The following IMMP2L variants were observed in gnomAD, a reference collection of about 807,000 sequenced individuals.
IMMP2L encodes the protein mitochondrial inner membrane protease subunit 2.
IMMP2L carries 18 observed loss-of-function variants against 19.3 expected under a neutral mutation model. The observed-to-expected ratio is 0.93, with a 90% CI of 0.64 to 1.38. IMMP2L has a LOEUF of 1.38. Ranked by LOEUF, IMMP2L falls within the 40% of genes most tolerant of loss-of-function variation. The pLI, the probability that IMMP2L is intolerant of heterozygous loss-of-function variation, is 0.00. For missense variants in IMMP2L, 233 were observed against 218.2 expected, an observed-to-expected ratio of 1.07 and a Z score of -0.43; for synonymous variants, 76 against 73.0, an observed-to-expected ratio of 1.04 and a Z score of -0.21.
Position 111,289,620 on chromosome 7 carries a change from T to C in IMMP2L, c.239+197618A>G, listed in dbSNP as rs892109838. ...GATATATAAATCAAAAGGCCAATTC[T>C]GAAAATTTTAGGAAAGAGATCCAAG... On this transcript the variant is annotated intron_variant, in intron 3 of 5. Transcript: ENST00000405709. 5.9e-5 allele frequency among the ~76,000 whole-genome samples: 9 copies of C among 152,244 alleles called. No individual in the cohort carries two copies. The East Asian group carries it at 1.7e-3, about 29-fold the overall frequency.
chr7:110,862,396 G>A (rs1807536124), intron 5 of IMMP2L, among the ~76,000 whole-genome samples: 2 of 151,548 alleles, frequency 1.3e-5, no homozygotes, highest in Admixed American at 6.6e-5. Context: ...CTGGAGTGTA[G>A]TGGCACAATC....
At chr7:110,705,739 T>C (rs1295340223) in intron 5 of IMMP2L, among the ~76,000 whole-genome samples, 3 of 151,874 alleles carry the variant, frequency 2.0e-5, no homozygotes, top group African/African-American at 7.3e-5. Flanking sequence ...TTCCTTCCCC[T>C]CCCTTTCCCC....
At chr7:111,305,959 T>G (rs771455794) in intron 3 of IMMP2L, among the ~76,000 whole-genome samples, 15 of 152,184 alleles carry the variant, frequency 9.9e-5, no homozygotes, top group Non-Finnish European at 2.1e-4. Context: ...TGCTGATACC[T>G]TCTAGAAACT....
At chr7:111,523,783 C>T (rs1012598169) in intron 1 of IMMP2L, among the ~76,000 whole-genome samples, 4 of 152,054 alleles carry the variant, frequency 2.6e-5, no homozygotes, top group Admixed American at 2.6e-4. Context: ...ACTCAAGAAA[C>T]GTGTTTGGCC....
At chr7:111,109,585 AGAG>A (rs1165265167) in intron 3 of IMMP2L, among the ~76,000 whole-genome samples, 7 of 152,190 alleles carry the variant, frequency 4.6e-5, no homozygotes, top group African/African-American at 1.7e-4. Flanking sequence ...GACCTGGAAT[AGAG>A]TTCAGGAGCC....
chr7:110,733,313 A>G (rs1180846560), intron 5 of IMMP2L, among the ~76,000 whole-genome samples: 1 of 152,188 alleles, frequency 6.6e-6, no homozygotes, highest in Non-Finnish European at 1.5e-5. Context: ...GAATTTATGC[A>G]GTAAGATGGA....
chr7:111,127,404 A>G (rs1415870664), intron 3 of IMMP2L, among the ~76,000 whole-genome samples: 3 of 152,184 alleles, frequency 2.0e-5, no homozygotes, highest in African/African-American at 7.2e-5. Context: ...ATTCATTTTA[A>G]TCTACATATT....
At chr7:111,035,684 A>C (rs958441675) in intron 3 of IMMP2L, among the ~76,000 whole-genome samples, 4 of 152,222 alleles carry the variant, frequency 2.6e-5, no homozygotes, top group Non-Finnish European at 4.4e-5. Context: ...CCTGTCAATA[A>C]GAAGAAAGTT....
At chr7:111,304,162 GAATT>G (rs757764987) in intron 3 of IMMP2L, among the ~76,000 whole-genome samples, 5 of 152,046 alleles carry the variant, frequency 3.3e-5, no homozygotes, top group Non-Finnish European at 7.4e-5. Flanking sequence ...AAGCTTGTGT[GAATT>G]ATTATCATGA....
intron 3 of IMMP2L, among the ~76,000 whole-genome samples, chr7:111,096,420 T>C (rs1279778852): frequency 6.6e-6 from 1 of 151,682 alleles, no homozygotes; most frequent in African/African-American, 2.4e-5. Flanking sequence ...CTTTGTACCA[T>C]ACCACACTAT....
chr7:111,072,434 G>A (rs1697410864), intron 3 of IMMP2L, among the ~76,000 whole-genome samples: 1 of 152,010 alleles, frequency 6.6e-6, no homozygotes, highest in Admixed American at 6.6e-5. Flanking sequence ...TGTGCCTTTT[G>A]ATATGATGAA....
chr7:111,409,051 C>A (rs1001643776), intron 3 of IMMP2L, among the ~76,000 whole-genome samples: 5 of 151,636 alleles, frequency 3.3e-5, no homozygotes, highest in Admixed American at 6.6e-5. Flanking sequence ...TGCTGACAAG[C>A]TTCTGTCAGT....
chr7:110,692,907 G>C (rs183235006), intron 5 of IMMP2L, among the ~76,000 whole-genome samples: 2 of 152,264 alleles, frequency 1.3e-5, no homozygotes, highest in Admixed American at 1.3e-4. Context: ...ATGTGGTACA[G>C]AGGAACCAGC....
At chr7:110,954,175 T>G (rs1488081041) in intron 4 of IMMP2L, among the ~76,000 whole-genome samples, 1 of 152,088 alleles carries the variant, frequency 6.6e-6, no homozygotes, top group African/African-American at 2.4e-5. Context: ...TTTTTGCAAT[T>G]AAGAAGGAGG....
chr7:111,360,375 C>T (rs1325358302), intron 3 of IMMP2L, among the ~76,000 whole-genome samples: 1 of 152,184 alleles, frequency 6.6e-6, no homozygotes, highest in Non-Finnish European at 1.5e-5. Flanking sequence ...TCCATAAGGC[C>T]TCCCTTTCCC....
At chr7:110,735,645 T>TTAGACAAATATATATATATATATATAG (rs1796570934) in intron 5 of IMMP2L, among the ~76,000 whole-genome samples, 1 of 101,714 alleles carries the variant, frequency 9.8e-6, no homozygotes, top group Admixed American at 1.1e-4. Context: ...TATATATATA[T>TTAGACAAATATATATATATATATATAG]TAGACAAATA....
chr7:111,241,037 C>T (rs1814959498), intron 3 of IMMP2L, among the ~76,000 whole-genome samples: 1 of 151,646 alleles, frequency 6.6e-6, no homozygotes, highest in Non-Finnish European at 1.5e-5. Context: ...CTGTCATGGC[C>T]GTATCCTTCT....
intron 5 of IMMP2L, among the ~76,000 whole-genome samples, chr7:110,774,015 C>T (rs1799215164): frequency 6.6e-6 from 1 of 151,592 alleles, no homozygotes; most frequent in Non-Finnish European, 1.5e-5. Context: ...TTCTTTTTGT[C>T]CTTGATAACT....
intron 4 of IMMP2L, among the ~76,000 whole-genome samples, chr7:110,917,672 G>C (rs752208259): frequency 2.0e-5 from 3 of 152,136 alleles, no homozygotes; most frequent in Admixed American, 6.5e-5. Context: ...CTGGAACGAA[G>C]GCAAAGAATA....
Sources: gnomAD v4.1 joint callset for allele counts (sites outside exome capture counted in the v4.1 genomes callset) on GRCh38, gnomAD v4.1.1 for gene constraint, MANE v1.5 for transcripts, NCBI Gene and HGNC (gene_info 2026-07-23, HGNC 2026-07-21) for gene names.